IGSF11: variants seen among roughly 807,000 people sequenced by gnomAD.
IGSF11 encodes CXADR like 1.
Under a neutral mutation model 41.0 loss-of-function variants are expected in IGSF11, and 22 were observed. That is an observed-to-expected ratio of 0.54 (90% CI 0.38 to 0.77). The LOEUF (loss-of-function observed/expected upper bound fraction) is 0.77, where lower values mean the gene tolerates loss of function less well. Ranked by LOEUF, IGSF11 falls within the 30% of genes least tolerant of loss-of-function variation. The pLI, the probability that IGSF11 is intolerant of heterozygous loss-of-function variation, is 0.00. For missense variants in IGSF11, 444 were observed against 530.8 expected (o/e 0.84, Z 1.61); for synonymous variants, 219 against 201.3 (o/e 1.09, Z -0.74).
intron 1 of IGSF11, among the ~76,000 whole-genome samples, chr3:119,059,147 A>C (rs1005808363): frequency 7.6e-6 from 1 of 130,928 alleles, no homozygotes; most frequent in Non-Finnish European, 1.7e-5. Context: ...TAAAAAAAGA[A>C]AGAAAATGTA....
intron 1 of IGSF11, among the ~76,000 whole-genome samples, chr3:119,129,403 C>T (rs2077446904): frequency 6.6e-6 from 1 of 152,022 alleles, no homozygotes; most frequent in South Asian, 2.1e-4. Flanking sequence ...ATGTAAACTA[C>T]TCTTATGTAG....
intron 4 of IGSF11, among the ~76,000 whole-genome samples, chr3:118,916,082 G>A (rs1254162515): frequency 6.7e-6 from 1 of 150,000 alleles, no homozygotes; most frequent in Non-Finnish European, 1.5e-5. Flanking sequence ...CACCAAGCCT[G>A]CCCTAAAAGA....
chr3:118,937,723 C>T (rs1039550405), intron 1 of IGSF11, among the ~76,000 whole-genome samples: 3 of 152,154 alleles, frequency 2.0e-5, no homozygotes, highest in Admixed American at 6.5e-5. Context: ...TGTACAACGG[C>T]AAGCTACCAT....
intron 4 of IGSF11, among the ~76,000 whole-genome samples, chr3:118,906,342 G>A (rs1346356306): frequency 1.2e-5 from 1 of 84,690 alleles, no homozygotes; most frequent in African/African-American, 4.6e-5. Flanking sequence ...CTGTCAAGGG[G>A]ACAGGGAAGC....
At chr3:118,956,349 A>G (rs6792805) in intron 1 of IGSF11, among the ~76,000 whole-genome samples, 63,032 of 152,082 alleles carry the variant, frequency 0.41, 16,664 homozygotes, top group African/African-American at 0.74. Context: ...TCACAACTTG[A>G]GTGTTTAACA....
chr3:118,991,692 A>G (rs946550513), intron 1 of IGSF11, among the ~76,000 whole-genome samples: 3 of 152,258 alleles, frequency 2.0e-5, no homozygotes, highest in Non-Finnish European at 4.4e-5. Context: ...ATGCTCACGT[A>G]TAAGAGAACA....
At chr3:119,083,047 T>G (rs938806420) in intron 1 of IGSF11, among the ~76,000 whole-genome samples, 1 of 152,142 alleles carries the variant, frequency 6.6e-6, no homozygotes, top group Admixed American at 6.5e-5. Flanking sequence ...CACCATAAGC[T>G]GTGGGTTCTT....
At chr3:119,047,395 A>C (rs910733674) in intron 1 of IGSF11, among the ~76,000 whole-genome samples, 3 of 152,206 alleles carry the variant, frequency 2.0e-5, no homozygotes, top group African/African-American at 7.2e-5. Flanking sequence ...CAAAAGGGAC[A>C]AAGAAGGCCA....
rs190640792 is a variant in IGSF11 at position 118,967,041 on chromosome 3, C to A, written c.53-36766G>T. Among the ~76,000 whole-genome samples, 13 of 152,142 alleles carry A rather than the reference C, an allele frequency of 8.5e-5. No individual in the cohort carries two copies. In the East Asian group the frequency reaches 2.5e-3, roughly 29 times the overall value. Reference sequence around the variant, plus strand: ...AAAAAGATACACCTTCCAAAGTAAACTCAGAATTTTGAAGGAGGGCTCTAA... The same window carrying A: ...AAAAAGATACACCTTCCAAAGTAAAATCAGAATTTTGAAGGAGGGCTCTAA... On this transcript the variant is annotated intron_variant, in intron 1 of 6. Coordinates refer to ENST00000393775, the MANE Select transcript of IGSF11 (RefSeq NM_001015887.3).
chr3:118,943,933 A>C (rs1022012405), intron 1 of IGSF11, among the ~76,000 whole-genome samples: 6 of 152,250 alleles, frequency 3.9e-5, no homozygotes, highest in Non-Finnish European at 7.3e-5. Flanking sequence ...TAAATCAACA[A>C]GTAGAGTTAT....
intron 4 of IGSF11, among the ~76,000 whole-genome samples, chr3:118,906,361 T>C (rs1939602092): frequency 6.6e-6 from 1 of 151,602 alleles, no homozygotes; most frequent in Non-Finnish European, 1.5e-5. Flanking sequence ...GCAAGGAAGA[T>C]TGGGTAGGAA....
intron 1 of IGSF11, among the ~76,000 whole-genome samples, chr3:119,077,234 C>G (rs1282287951): frequency 6.6e-6 from 1 of 150,758 alleles, no homozygotes; most frequent in Non-Finnish European, 1.5e-5. Context: ...CACTTGGACA[C>G]AGGAAGGGGA....
At chr3:119,085,732 A>C (rs2076659838) in intron 1 of IGSF11, among the ~76,000 whole-genome samples, 1 of 152,248 alleles carries the variant, frequency 6.6e-6, no homozygotes. Context: ...ACTTCATTAA[A>C]AGAATGTAAT....
At chr3:118,956,520 T>C (rs1255977574) in intron 1 of IGSF11, among the ~76,000 whole-genome samples, 1 of 152,126 alleles carries the variant, frequency 6.6e-6, no homozygotes, top group Non-Finnish European at 1.5e-5. Flanking sequence ...CTAATTTCAA[T>C]ATTGTTTTGT....
rs554794377 is a variant in IGSF11 at position 118,931,292 on chromosome 3, G to A, written c.53-1017C>T. Among the ~76,000 whole-genome samples the A allele has an allele frequency of 3.6e-4, 55 of 152,226 alleles. 1 individual carries two copies. The highest frequency in any genetic ancestry group is 1.1e-3 in the African/African-American group (47 of 41,536). On this transcript the variant is annotated intron_variant, in intron 1 of 6. Transcript: ENST00000393775. The stretch of plus-strand genomic sequence containing the variant: ...TAACATACAAGTAGTCAGCAATTTC[G>A]TTTACTAGGAATCTACTCAAGTAAA...
intron 2 of IGSF11, 101 bp from the exon 3 acceptor site, chr3:118,928,817 T>C (rs1942596279): frequency 5.0e-6 from 4 of 801,728 alleles, no homozygotes; most frequent in South Asian, 1.9e-5. Context: ...CACCAAACAT[T>C]GGAAAATTTT....
intron 1 of IGSF11, among the ~76,000 whole-genome samples, chr3:119,046,304 C>T (rs1023941213): frequency 2.6e-5 from 4 of 151,544 alleles, no homozygotes; most frequent in African/African-American, 9.7e-5. Flanking sequence ...CTTAAAGGAG[C>T]TGATGGAGCT....
intron 4 of IGSF11, among the ~76,000 whole-genome samples, chr3:118,920,857 C>T (rs180821612): frequency 6.6e-6 from 1 of 152,216 alleles, no homozygotes; most frequent in East Asian, 1.9e-4. Context: ...AATGCATGTA[C>T]AAATACCCTA....
chr3:119,034,904 C>T (rs1461639781), upstream of IGSF11: 4 of 1,042,070 alleles, frequency 3.8e-6, no homozygotes, highest in Non-Finnish European at 3.6e-6. Flanking sequence ...CCCGCTACTC[C>T]AGCCGCAGCT....
Sources: gnomAD v4.1 joint callset for allele counts (sites outside exome capture counted in the v4.1 genomes callset) on GRCh38, gnomAD v4.1.1 for gene constraint, MANE v1.5 for transcripts, NCBI Gene and HGNC (gene_info 2026-07-23, HGNC 2026-07-21) for gene names.